Variants in CFAP54 observed in about 807,000 individuals in gnomAD.
CFAP54 encodes cilia and flagella associated protein 54, also known as cilia- and flagella-associated protein 54.
Under a neutral mutation model 370.4 loss-of-function variants are expected in CFAP54, and 290 were observed. The observed-to-expected ratio is 0.78, with a 90% CI of 0.71 to 0.86. The LOEUF is 0.86. Ranked by LOEUF, CFAP54 falls within the 40% of genes least tolerant of loss-of-function variation. The pLI is 0.00. For missense variants in CFAP54, 3,399 were observed against 3,528.7 expected (o/e 0.96, Z 0.93); for synonymous variants, 1,206 against 1,236.5 (o/e 0.98, Z 0.52).
chr12:96,560,830 A>G (rs1475050656), intron 17 of CFAP54, among the ~76,000 whole-genome samples: 2 of 152,192 alleles, frequency 1.3e-5, no homozygotes, highest in Non-Finnish European at 2.9e-5. Flanking sequence ...CTTTCACCCA[A>G]TGGTCTTACT....
chr12:96,564,809 C>A (rs1387620920), intron 19 of CFAP54, 44 bp downstream of exon 19: 1 of 548,240 alleles, frequency 1.8e-6, no homozygotes, highest in Non-Finnish European at 3.2e-6. Flanking sequence ...CATAAAATTT[C>A]TGTTAAAATG....
At chr12:96,695,074 G>C (rs1218800481) in intron 45 of CFAP54, among the ~76,000 whole-genome samples, 3 of 152,066 alleles carry the variant, frequency 2.0e-5, no homozygotes, top group Non-Finnish European at 4.4e-5. Context: ...TTTCATTTGT[G>C]GCATTTTCAA....
chr12:96,847,378 T>G (rs1959390365), intron 66 of CFAP54, among the ~76,000 whole-genome samples: 1 of 151,910 alleles, frequency 6.6e-6, no homozygotes, highest in African/African-American at 2.4e-5. Context: ...TCCCGGAAGC[T>G]CCCCAGAACC....
intron 27 of CFAP54, among the ~76,000 whole-genome samples, 154 bp downstream of exon 27, chr12:96,621,875 GTTTTTTTTTTTTTT>G (rs71068819): frequency 1.0e-4 from 5 of 50,034 alleles, no homozygotes; most frequent in East Asian, 8.4e-4. Flanking sequence ...TTTTGGGTTT[GTTTTTTTTTTTTTT>G]TTTTTTTTTT....
intron 45 of CFAP54, among the ~76,000 whole-genome samples, chr12:96,695,704 A>G (rs986750189): frequency 2.6e-5 from 4 of 152,338 alleles, no homozygotes; most frequent in Admixed American, 2.6e-4. Context: ...GTAATTAACT[A>G]TTGAATTTAA....
intron 63 of CFAP54, among the ~76,000 whole-genome samples, chr12:96,807,286 C>T (rs1198828291): frequency 1.3e-5 from 2 of 152,120 alleles, no homozygotes; most frequent in East Asian, 3.9e-4. Context: ...CTTTTCTCAT[C>T]CCTACTATTG....
intron 46 of CFAP54, among the ~76,000 whole-genome samples, chr12:96,702,700 T>C (rs1341261348): frequency 6.6e-6 from 1 of 152,252 alleles, no homozygotes; most frequent in East Asian, 1.9e-4. Flanking sequence ...TTCTCAAAGT[T>C]AATTTGCAGC....
chr12:96,494,853 A>G (rs1000571002), intron 1 of CFAP54, among the ~76,000 whole-genome samples: 3 of 151,804 alleles, frequency 2.0e-5, no homozygotes, highest in African/African-American at 7.3e-5. Flanking sequence ...TAGCCTCCCA[A>G]GTAGCTGGGA....
intron 23 of CFAP54, among the ~76,000 whole-genome samples, chr12:96,591,282 T>A (rs1457991342): frequency 1.3e-5 from 2 of 152,032 alleles, no homozygotes; most frequent in Non-Finnish European, 2.9e-5. Flanking sequence ...AGCAGGCCAT[T>A]GGTGAATTCA....
rs17025921 is a variant in CFAP54 at position 96,788,161 on chromosome 12, C to A, written c.8679+1263C>A. Among the ~76,000 whole-genome samples, 1,454 of 152,182 alleles carry A rather than the reference C, an allele frequency of 9.6e-3. 57 individuals carry two copies. The East Asian group carries it at 0.1, about 11-fold the overall frequency. ...AAGTAACACTGAAAACAACAACAAC[C>A]GAAACAGTTTTGTGACTCTTTGGAG... On this transcript the variant is annotated intron_variant, in intron 62 of 67. Coordinates refer to ENST00000524981, the MANE Select transcript of CFAP54 (RefSeq NM_001306084.2).
At chr12:96,734,072 T>C (rs1403550776) in intron 50 of CFAP54, among the ~76,000 whole-genome samples, 1 of 152,234 alleles carries the variant, frequency 6.6e-6, no homozygotes, top group Admixed American at 6.5e-5. Flanking sequence ...GTTATTTTCT[T>C]GGTTAGTTTT....
intron 65 of CFAP54, among the ~76,000 whole-genome samples, chr12:96,827,874 A>G (rs1383183212): frequency 1.8e-5 from 2 of 113,474 alleles, no homozygotes; most frequent in Admixed American, 2.3e-4. Context: ...AATATATTAT[A>G]TATAGTTATA....
chr12:96,495,862 A>G (rs1022892577), intron 1 of CFAP54, among the ~76,000 whole-genome samples: 2 of 152,096 alleles, frequency 1.3e-5, no homozygotes, highest in African/African-American at 4.8e-5. Flanking sequence ...TTTTTCTTTT[A>G]TGAGTAACAA....
chr12:96,836,619 C>T (rs572059319), intron 66 of CFAP54, among the ~76,000 whole-genome samples: 13 of 152,162 alleles, frequency 8.5e-5, no homozygotes, highest in South Asian at 2.1e-4. Context: ...ATCACTACAG[C>T]GTAATATCTC....
rs546541423 is a variant in CFAP54 at position 96,685,123 on chromosome 12, A to G, written c.5899A>G (p.Asn1967Asp). 2.5e-6 allele frequency: 4 copies of G among 1,614,120 alleles called. No homozygotes were observed. In the South Asian group the frequency reaches 4.4e-5, roughly 18 times the overall value. Reference sequence around the variant, plus strand: ...GAAAGAATTTGGCCCCTCACTCACCAATGTCACCAACAGTCATTCACCTCC... The same window carrying G: ...GAAAGAATTTGGCCCCTCACTCACCGATGTCACCAACAGTCATTCACCTCC... Reference protein sequence around the residue: ...TWKEFGPSLTNVTNSHSPPGF... With the variant: ...TWKEFGPSLTDVTNSHSPPGF... The change falls in exon 42 of 68, where the codon AAT (asparagine) becomes GAT (aspartate). Residue 1967 changes from asparagine to aspartate, a missense_variant. By Grantham distance (23) the Asn-to-Asp change is conservative. Transcript: ENST00000524981.
chr12:96,527,174 G>A (rs1420440028), intron 8 of CFAP54, 72 bp from the exon 9 acceptor site: 2 of 1,321,026 alleles, frequency 1.5e-6, no homozygotes, highest in Middle Eastern at 1.9e-4. Flanking sequence ...TGGGATTATA[G>A]GCATGAGCCA....
At chr12:96,495,610 C>T (rs528842612) in intron 1 of CFAP54, among the ~76,000 whole-genome samples, 15 of 151,960 alleles carry the variant, frequency 9.9e-5, no homozygotes, top group African/African-American at 2.7e-4. Context: ...CATGAGCCAT[C>T]GTGCCTGGCT....
intron 1 of CFAP54, among the ~76,000 whole-genome samples, chr12:96,496,275 C>T: frequency 6.6e-6 from 1 of 152,156 alleles, no homozygotes; most frequent in East Asian, 1.9e-4. Flanking sequence ...ATTATTACTC[C>T]AACACATACA....
intron 55 of CFAP54, 56 bp downstream of exon 55, chr12:96,744,202 AT>A (rs1434210030): frequency 2.1e-6 from 3 of 1,459,802 alleles, no homozygotes; most frequent in African/African-American, 1.4e-5. Context: ...TTTTTAAGTT[AT>A]TTTTAGGCAG....
Sources: allele counts gnomAD v4.1 joint callset (sites outside exome capture counted in the v4.1 genomes callset), GRCh38; gene constraint gnomAD v4.1.1; transcripts MANE v1.5; gene names NCBI Gene and HGNC (gene_info 2026-07-23, HGNC 2026-07-21).